The following DIP2B variants were observed in gnomAD, a reference collection of about 807,000 sequenced individuals.
The protein encoded by DIP2B is DIP2 acetate--CoA ligase B (putative).
In DIP2B, 76 loss-of-function variants were observed where a neutral mutation model predicts 198.0. That is an observed-to-expected ratio of 0.38 (90% CI 0.32 to 0.46). The LOEUF (loss-of-function observed/expected upper bound fraction) is 0.46, where lower values mean the gene tolerates loss of function less well. Among genes scored for constraint, DIP2B ranks in the 20% least tolerant of loss-of-function variants. The pLI is 0.99. For synonymous variants in DIP2B, 701 were observed against 739.1 expected (o/e 0.95, Z 0.84); for missense variants, 1,559 against 1,978.4 (o/e 0.79, Z 4.02).
chr12:50,527,484 A>G (rs1464683101), intron 1 of DIP2B, among the ~76,000 whole-genome samples: 1 of 152,206 alleles, frequency 6.6e-6, no homozygotes, highest in Non-Finnish European at 1.5e-5. Flanking sequence ...GAGAGATAAA[A>G]CTTGTGAAAC....
intron 3 of DIP2B, among the ~76,000 whole-genome samples, chr12:50,656,657 C>T (rs1287947114): frequency 6.6e-5 from 10 of 152,124 alleles, no homozygotes; most frequent in Admixed American, 3.3e-4. Flanking sequence ...CTGTAACCTC[C>T]GCTTCCCAGG....
intron 2 of DIP2B, among the ~76,000 whole-genome samples, chr12:50,626,271 C>T (rs1276714989): frequency 1.3e-5 from 2 of 152,122 alleles, no homozygotes; most frequent in African/African-American, 4.8e-5. Flanking sequence ...TTACACAGAA[C>T]TTGGGTGGTA....
intron 1 of DIP2B, among the ~76,000 whole-genome samples, chr12:50,508,705 A>G (rs930518348): frequency 5.4e-5 from 7 of 128,854 alleles, no homozygotes; most frequent in African/African-American, 2.0e-4. Flanking sequence ...CTCTAAGGAA[A>G]TGCTACCTTT....
intron 1 of DIP2B, among the ~76,000 whole-genome samples, chr12:50,510,646 A>G (rs1001532745): frequency 7.4e-6 from 1 of 134,296 alleles, no homozygotes; most frequent in Non-Finnish European, 1.6e-5. Flanking sequence ...CTAAAGTACC[A>G]CCTTTTTTTT....
intron 19 of DIP2B, among the ~76,000 whole-genome samples, chr12:50,702,511 G>A (rs76303507): frequency 0.071 from 10,687 of 151,174 alleles, 752 homozygotes; most frequent in East Asian, 0.32. Flanking sequence ...GCAGTGAGTC[G>A]AGATTGTGCC....
At chr12:50,558,682 C>T (rs569393006) in intron 1 of DIP2B, among the ~76,000 whole-genome samples, 185 of 152,252 alleles carry the variant, frequency 1.2e-3, no homozygotes, top group African/African-American at 4.1e-3. Context: ...AAAGCATTAA[C>T]TCAGAAGAAC....
intron 2 of DIP2B, among the ~76,000 whole-genome samples, chr12:50,638,470 A>G (rs1031378766): frequency 6.6e-6 from 1 of 152,150 alleles, no homozygotes; most frequent in Non-Finnish European, 1.5e-5. Flanking sequence ...GCATTACTTT[A>G]TTTGGACTGA....
At chr12:50,691,861 C>T (rs933291965) in intron 13 of DIP2B, among the ~76,000 whole-genome samples, 9 of 152,064 alleles carry the variant, frequency 5.9e-5, no homozygotes, top group Admixed American at 1.3e-4. Context: ...GTCAAGGGTT[C>T]GAGACCAGCC....
chr12:50,735,020 G>A (rs1040013210), intron 33 of DIP2B, 53 bp from the exon 34 acceptor site: 16 of 1,604,596 alleles, frequency 1.0e-5, no homozygotes, highest in African/African-American at 1.3e-5. Flanking sequence ...GCAGGAACAT[G>A]GCGACTTCTC....
chr12:50,672,132 A>C (rs1164083033), intron 5 of DIP2B, among the ~76,000 whole-genome samples: 1 of 151,964 alleles, frequency 6.6e-6, no homozygotes, highest in South Asian at 2.1e-4. Context: ...TTTTCTTGAC[A>C]ATCAGTGCAT....
At chr12:50,654,675 A>G (rs1236917777) in intron 3 of DIP2B, among the ~76,000 whole-genome samples, 2 of 152,216 alleles carry the variant, frequency 1.3e-5, no homozygotes, top group Non-Finnish European at 2.9e-5. Context: ...AAAATTAAAT[A>G]AACAGAGAAG....
At chr12:50,614,418 AT>A (rs11365705) in intron 1 of DIP2B, among the ~76,000 whole-genome samples, 48,441 of 151,954 alleles carry the variant, frequency 0.32, 7,899 homozygotes, top group South Asian at 0.39. Context: ...TCTGGGTGAT[AT>A]CATTCACACC....
chr12:50,613,799 A>G (rs1937648074), intron 1 of DIP2B, among the ~76,000 whole-genome samples: 1 of 152,176 alleles, frequency 6.6e-6, no homozygotes, highest in African/African-American at 2.4e-5. Flanking sequence ...TTGTAATTAA[A>G]TCATTAATTA....
chr12:50,657,069 C>T (rs1226993396), intron 3 of DIP2B: 4 of 151,630 alleles, frequency 2.6e-5, no homozygotes, highest in Non-Finnish European at 5.9e-5. Context: ...GTGAAATGTT[C>T]CATTAAAAAT....
At chr12:50,701,604 G>T (rs951224109) in intron 19 of DIP2B, among the ~76,000 whole-genome samples, 8 of 151,620 alleles carry the variant, frequency 5.3e-5, no homozygotes, top group Admixed American at 2.0e-4. Context: ...GGCTGGTCTT[G>T]AACTCCTGAC....
intron 1 of DIP2B, among the ~76,000 whole-genome samples, chr12:50,576,045 A>G (rs1593622166): frequency 6.7e-6 from 1 of 149,830 alleles, no homozygotes; most frequent in Non-Finnish European, 1.5e-5. Flanking sequence ...AGTGTGAGCC[A>G]CCGTGCCTGG....
At chr12:50,717,532 ATT>A (rs1350170289) in intron 23 of DIP2B, among the ~76,000 whole-genome samples, 8 of 151,098 alleles carry the variant, frequency 5.3e-5, no homozygotes, top group Non-Finnish European at 1.2e-4. Flanking sequence ...TACCCGGCTA[ATT>A]TTTTTTGTAT....
At chr12:50,543,585 A>T (rs1226384610) in intron 1 of DIP2B, among the ~76,000 whole-genome samples, 11 of 151,844 alleles carry the variant, frequency 7.2e-5, no homozygotes, top group African/African-American at 1.9e-4. Context: ...CACCGCTCTC[A>T]GCCTATTAAT....
intron 25 of DIP2B, among the ~76,000 whole-genome samples, chr12:50,720,454 AT>A (rs5798150): frequency 0.29 from 43,424 of 151,286 alleles, 6,510 homozygotes; most frequent in East Asian, 0.43. Flanking sequence ...AATTTATGCA[AT>A]AATAGAACTT....
Sources: gnomAD v4.1 joint callset for allele counts (sites outside exome capture counted in the v4.1 genomes callset) on GRCh38, gnomAD v4.1.1 for gene constraint, MANE v1.5 for transcripts, NCBI Gene and HGNC (gene_info 2026-07-23, HGNC 2026-07-21) for gene names.